DEF6: variants seen among roughly 807,000 people sequenced by gnomAD.
DEF6 encodes DEF6 guanine nucleotide exchange factor, also known as differentially expressed in FDCP 6 homolog.
DEF6 carries 32 observed loss-of-function variants against 80.5 expected under a neutral mutation model. The observed-to-expected ratio is 0.40, with a 90% CI of 0.30 to 0.53. The LOEUF (loss-of-function observed/expected upper bound fraction) is 0.53, where lower values mean the gene tolerates loss of function less well. DEF6 is among the 20% of genes least tolerant of loss of function. The probability of loss-of-function intolerance (pLI) is 0.57; values close to 1 mark genes in which losing one functional copy is unlikely to be tolerated. For missense variants in DEF6, 575 were observed against 818.7 expected (o/e 0.70, Z 3.63); for synonymous variants, 300 against 337.9 (o/e 0.89, Z 1.23).
intron 1 of DEF6, among the ~76,000 whole-genome samples, chr6:35,309,367 G>C (rs547338832): frequency 6.6e-6 from 1 of 152,270 alleles, no homozygotes; most frequent in Non-Finnish European, 1.5e-5. Context: ...TAACTGCATG[G>C]GTTTGAATTC....
intron 5 of DEF6, among the ~76,000 whole-genome samples, chr6:35,313,944 T>TAAAA (rs1277554111): frequency 6.6e-6 from 1 of 152,242 alleles, no homozygotes; most frequent in Non-Finnish European, 1.5e-5. Flanking sequence ...TTTACTTTCT[T>TAAAA]TTAGATATAT....
chr6:35,321,600 C>T lies in DEF6; in HGVS notation c.*190C>T. On this transcript the variant is annotated 3_prime_UTR_variant, in exon 11 of 11. Coordinates refer to ENST00000316637, the MANE Select transcript of DEF6 (RefSeq NM_022047.4). ...TTCATACCAGCTCCAAGCCCCAGAC[C>T]ATGGGAGCTGTCTGGGATGTTGATC... The T allele has an allele frequency of 1.3e-5, 7 of 529,000 alleles. No homozygotes were observed. The South Asian group carries it at 2.3e-4, about 17-fold the overall frequency. 32.8% of individuals were successfully genotyped at this position (529,000 alleles called of 1,614,324 possible). A position where few individuals can be genotyped will look rare whatever the true frequency, so the allele number is the denominator to read the frequency against.
At chr6:35,309,635 G>T (rs374953976) in intron 1 of DEF6, 35 bp from the exon 2 acceptor site, 1 of 1,605,492 alleles carries the variant, frequency 6.2e-7, no homozygotes, top group African/African-American at 1.3e-5. Context: ...TGGTTGGGGT[G>T]CAGAAAGACA....
At position 35,318,906 on chromosome 6, in the gene DEF6, G is replaced by T. The variant is rs1307913495; in HGVS notation, c.1215+435G>T. Among the ~76,000 whole-genome samples, 1 of 152,114 alleles carries T rather than the reference G, an allele frequency of 6.6e-6. No homozygotes were observed. Among genetic ancestry groups the T allele is most frequent in the Non-Finnish European group, 1.5e-5 (1 of 68,020 alleles). On this transcript the variant is annotated intron_variant, in intron 7 of 10. Coordinates refer to ENST00000316637, the MANE Select transcript of DEF6 (RefSeq NM_022047.4). The surrounding 1 kb of genome is among the most constrained non-coding windows in gnomAD (Gnocchi z 5.1). ...ATGGAGGCGGACTAGGTGTGCAGAG[G>T]CAATTAGATTTAGGATTTAAGAAAC...
intron 1 of DEF6, among the ~76,000 whole-genome samples, chr6:35,301,768 C>G (rs1791318281): frequency 7.2e-6 from 1 of 139,226 alleles, no homozygotes; most frequent in Non-Finnish European, 1.5e-5. Flanking sequence ...GCTCTGTCAC[C>G]CAGGTTGGAG....
intron 1 of DEF6, among the ~76,000 whole-genome samples, chr6:35,301,067 C>A (rs1791307861): frequency 6.6e-6 from 1 of 152,090 alleles, no homozygotes; most frequent in Non-Finnish European, 1.5e-5. Flanking sequence ...TAGACAGGGG[C>A]CTTCCAGTCT....
chr6:35,319,870 G>A lies in DEF6; in HGVS notation c.1434G>A (p.Glu478=). Residue 478 remains glutamate (E), a synonymous_variant, in exon 9 of 11, where the codon GAG becomes GAA. Transcript: ENST00000316637. This position sits in a 1 kb window ranked among gnomAD's most constrained non-coding sequence, Gnocchi z 4.5. ...EKLKQLMQLK[E]EQERYIERAQ... ...TGAAGCAGTTGATGCAGCTGAAGGA[G>A]GAGCAGGAGCGCTACATCGAACGGG... 3 of 1,585,642 alleles carry A rather than the reference G, an allele frequency of 1.9e-6. No individual in the cohort carries two copies. Among genetic ancestry groups the A allele is most frequent in the Non-Finnish European group, 2.6e-6 (3 of 1,165,940 alleles).
In DEF6 at chr6:35,318,094, G is replaced by T. The variant is rs1056183441; in HGVS notation, c.917-79G>T. On this transcript the variant is annotated intron_variant, in intron 6 of 10. Transcript: ENST00000316637. The surrounding 1 kb of genome is among the most constrained non-coding windows in gnomAD (Gnocchi z 5.1). ...ATACTTTGTCCAGCGGGAGGTTGGA[G>T]AGTGGACTCGGGAAACTCCTAAGGC... 5.2e-6 allele frequency: 8 copies of T among 1,541,552 alleles called. No individual in the cohort carries two copies. The highest frequency in any genetic ancestry group is 2.4e-5 in the South Asian group (2 of 82,090).
intron 1 of DEF6, among the ~76,000 whole-genome samples, chr6:35,306,037 C>T (rs1035165809): frequency 6.3e-4 from 96 of 151,668 alleles, no homozygotes; most frequent in Non-Finnish European, 5.2e-4. Context: ...GGATTATAGG[C>T]GCCTGCCACA....
intron 1 of DEF6, among the ~76,000 whole-genome samples, chr6:35,306,713 A>G (rs1192002033): frequency 6.6e-6 from 1 of 152,204 alleles, no homozygotes; most frequent in African/African-American, 2.4e-5. Context: ...TTTGACAAAC[A>G]TTTCATTCTG....
In DEF6 at chr6:35,318,321, G is replaced by C. The variant is rs1434890131; in HGVS notation, c.1065G>C (p.Glu355Asp). ...EELLRLQQLQ[E>D]EKERKLQELE... ...TGCTGCGGCTGCAGCAGCTGCAGGA[G>C]GAGAAGGAGCGGAAGCTGCAGGAGC... The change falls in exon 7 of 11, where the codon GAG (glutamate) becomes GAC (aspartate). Residue 355 changes from glutamate to aspartate, a missense_variant. Coordinates refer to ENST00000316637, the MANE Select transcript of DEF6 (RefSeq NM_022047.4). The surrounding 1 kb of genome is among the most constrained non-coding windows in gnomAD (Gnocchi z 5.1). 7 of 1,548,548 alleles carry C rather than the reference G, an allele frequency of 4.5e-6. No individual in the cohort carries two copies. The highest frequency in any genetic ancestry group is 6.1e-6 in the Non-Finnish European group (7 of 1,147,756).
Position 35,319,680 on chromosome 6 carries a change from G to T in DEF6, c.1372G>T (p.Ala458Ser). The change falls in exon 8 of 11, where the codon GCT becomes TCT. Residue 458 changes from alanine to serine, a missense_variant. Physicochemically the swap from Ala to Ser is moderately conservative, Grantham distance 99. Coordinates refer to ENST00000316637, the MANE Select transcript of DEF6 (RefSeq NM_022047.4). The surrounding 1 kb of genome is among the most constrained non-coding windows in gnomAD (Gnocchi z 4.5). ...GCGAGATGAAGAATCTGTGCGAATC[G>T]CTCAGACCAGGTAGGCCTGAGGAAC... The part of the protein sequence containing the change: ...ARRDEESVRI[A>S]QTRLLEEEEE... 6.2e-7 allele frequency: 1 copy of T among 1,611,304 alleles called. No homozygotes were observed. Among genetic ancestry groups the T allele is most frequent in the Non-Finnish European group, 8.5e-7 (1 of 1,178,074 alleles).
At chr6:35,301,577 C>T (rs1446131826) in intron 1 of DEF6, among the ~76,000 whole-genome samples, 2 of 152,164 alleles carry the variant, frequency 1.3e-5, no homozygotes, top group African/African-American at 4.8e-5. Flanking sequence ...CCACACCCAA[C>T]CCCTACAGCC....
At chr6:35,305,855 G>C (rs1791382641) in intron 1 of DEF6, among the ~76,000 whole-genome samples, 1 of 152,088 alleles carries the variant, frequency 6.6e-6, no homozygotes. Flanking sequence ...TTACAGGTGT[G>C]AACCACTGCG....
intron 5 of DEF6, among the ~76,000 whole-genome samples, chr6:35,314,294 G>C (rs1791500713): frequency 6.6e-6 from 1 of 151,450 alleles, no homozygotes; most frequent in South Asian, 2.1e-4. Flanking sequence ...TGTAATCCCA[G>C]CTACTCAGGA....
chr6:35,312,589 G>A lies in DEF6; in HGVS notation c.661-37G>A. The A allele has an allele frequency of 6.2e-7, 1 of 1,614,176 alleles. No individual in the cohort carries two copies. Among genetic ancestry groups the A allele is most frequent in the South Asian group, 1.1e-5 (1 of 91,082 alleles). On this transcript the variant is annotated intron_variant, in intron 4 of 10. Coordinates refer to ENST00000316637, the MANE Select transcript of DEF6 (RefSeq NM_022047.4). The surrounding 1 kb of genome is among the most constrained non-coding windows in gnomAD (Gnocchi z 6.6). ...AGCACACAAGGTGCAGGGCGAAGGG[G>A]GGCCTGGGAAGCCTCTGACGTAACT...
intron 1 of DEF6, among the ~76,000 whole-genome samples, chr6:35,298,820 T>C (rs928127889): frequency 1.3e-5 from 2 of 152,170 alleles, no homozygotes; most frequent in Admixed American, 1.3e-4. Flanking sequence ...GGACCTGCCA[T>C]AGGGGTGCCT....
chr6:35,317,735 A>C, intron 5 of DEF6, 156 bp from the exon 6 acceptor site: 546 of 516,892 alleles, frequency 1.1e-3, no homozygotes, highest in Middle Eastern at 2.8e-3. Context: ...TAAGTCCCCC[A>C]TAACTTATGA....
rs997692474 is a variant in DEF6, at chr6:35,318,819, G to A, written c.1215+348G>A. Among the ~76,000 whole-genome samples, 2 of 152,158 alleles carry A rather than the reference G, an allele frequency of 1.3e-5. No homozygotes were observed. The highest frequency in any genetic ancestry group is 2.9e-5 in the Non-Finnish European group (2 of 68,028). ...GTGATTGGGGATTAGACTGGACCAA[G>A]TTTGGACTAGACTTGAACTAAGTTT... On this transcript the variant is annotated intron_variant, in intron 7 of 10. Transcript: ENST00000316637. This position sits in a 1 kb window ranked among gnomAD's most constrained non-coding sequence, Gnocchi z 5.1.
Sources: allele counts gnomAD v4.1 joint callset (sites outside exome capture counted in the v4.1 genomes callset), GRCh38; gene constraint gnomAD v4.1.1; non-coding constraint Gnocchi (gnomAD v3.1); transcripts MANE v1.5; gene names NCBI Gene and HGNC (gene_info 2026-07-23, HGNC 2026-07-21).